Variants in CDK19 observed in about 807,000 individuals in gnomAD.
CDK19 encodes the protein cyclin-dependent kinase 19.
In CDK19, 20 loss-of-function variants were observed where a neutral mutation model predicts 68.3. The observed-to-expected ratio is 0.29, with a 90% CI of 0.21 to 0.43. CDK19 has a LOEUF of 0.43. Among genes scored for constraint, CDK19 ranks in the 20% least tolerant of loss-of-function variants. The probability of loss-of-function intolerance (pLI) is 1.00; values close to 1 mark genes in which losing one functional copy is unlikely to be tolerated. For synonymous variants in CDK19, 221 were observed against 222.8 expected, an observed-to-expected ratio of 0.99 and a Z score of 0.07; for missense variants, 339 against 623.5, an observed-to-expected ratio of 0.54 and a Z score of 4.86.
At chr6:110,658,703 T>C (rs1781444568) in intron 4 of CDK19, among the ~76,000 whole-genome samples, 1 of 152,216 alleles carries the variant, frequency 6.6e-6, no homozygotes. Flanking sequence ...AAACACAGCC[T>C]ACTTTTTTTG....
intron 4 of CDK19, among the ~76,000 whole-genome samples, chr6:110,653,647 C>T (rs1319002653): frequency 6.6e-6 from 1 of 152,114 alleles, no homozygotes; most frequent in Non-Finnish European, 1.5e-5. Flanking sequence ...ATAGATAAAC[C>T]AATGCCCAGG....
At chr6:110,764,802 T>C (rs1302896904) in intron 1 of CDK19, among the ~76,000 whole-genome samples, 2 of 151,720 alleles carry the variant, frequency 1.3e-5, no homozygotes, top group Admixed American at 6.6e-5. Context: ...AATACAAAAA[T>C]TTGCTGGGCG....
intron 6 of CDK19, among the ~76,000 whole-genome samples, chr6:110,628,046 T>C (rs201591541): frequency 6.6e-6 from 1 of 151,790 alleles, no homozygotes; most frequent in Non-Finnish European, 1.5e-5. Flanking sequence ...CCTGTCTCTA[T>C]TAAAAATACA....
In CDK19 at chr6:110,667,463, G is replaced by C; in HGVS notation, c.427C>G (p.His143Asp). 1 of 1,588,576 alleles carries C rather than the reference G, an allele frequency of 6.3e-7. No homozygotes were observed. The highest frequency in any genetic ancestry group is 8.6e-7 in the Non-Finnish European group (1 of 1,166,792). The change falls in exon 4 of 13, where the codon CAT becomes GAT. Residue 143 changes from histidine (H) to aspartate (D), a missense_variant. By Grantham distance (81) the His-to-Asp change is moderately conservative. Coordinates refer to ENST00000368911, the MANE Select transcript of CDK19 (RefSeq NM_015076.5). Reference sequence around the variant, plus strand: ...TCTCTGTGAAGCACCCAATTTGCATGGAGGTAATGGATACCATCAAGAATC... The same window carrying C: ...TCTCTGTGAAGCACCCAATTTGCATCGAGGTAATGGATACCATCAAGAATC... ...YQILDGIHYL[H>D]ANWVLHRDLK...
At chr6:110,657,139 T>A (rs373522360) in intron 4 of CDK19, among the ~76,000 whole-genome samples, 3 of 152,214 alleles carry the variant, frequency 2.0e-5, no homozygotes, top group East Asian at 1.9e-4. Flanking sequence ...GAGAAAGACC[T>A]ACAACTTGAC....
intron 4 of CDK19, among the ~76,000 whole-genome samples, chr6:110,642,272 G>A (rs1439844234): frequency 2.8e-5 from 4 of 140,928 alleles, no homozygotes; most frequent in South Asian, 2.2e-4. Context: ...CTGTGCCACC[G>A]CACTCCAGCC....
rs73528497 is a variant in CDK19, at chr6:110,769,827, C to G, written c.129-23626G>C. 8.9e-3 allele frequency among the ~76,000 whole-genome samples: 1,346 copies of G among 151,996 alleles called. 20 individuals carry two copies. Among genetic ancestry groups the G allele is most frequent in the African/African-American group, 0.031 (1,286 of 41,436 alleles). ...CTCTATTGAGATTCTCAACTGGTAGCAAAATACACCACAGTCAGATTAGCT... is the reference window on the plus strand; with the variant it reads ...CTCTATTGAGATTCTCAACTGGTAGGAAAATACACCACAGTCAGATTAGCT... On this transcript the variant is annotated intron_variant, in intron 1 of 12. Transcript: ENST00000368911.
chr6:110,653,847 C>T (rs1781131658), intron 4 of CDK19, among the ~76,000 whole-genome samples: 1 of 152,044 alleles, frequency 6.6e-6, no homozygotes, highest in African/African-American at 2.4e-5. Flanking sequence ...TCAATTTTTT[C>T]ACAGGGTTAA....
intron 1 of CDK19, among the ~76,000 whole-genome samples, chr6:110,755,470 A>T (rs1391294908): frequency 6.6e-6 from 1 of 152,192 alleles, no homozygotes; most frequent in East Asian, 1.9e-4. Context: ...GAGGGGATAG[A>T]CAGGGACTGC....
chr6:110,798,134 C>G (rs1038992731), intron 1 of CDK19, among the ~76,000 whole-genome samples: 3 of 151,966 alleles, frequency 2.0e-5, no homozygotes, highest in African/African-American at 4.8e-5. Flanking sequence ...AAGAACAGTA[C>G]TCCACAAACA....
At position 110,610,913 on chromosome 6, in the gene CDK19, G is replaced by C. The variant is rs552346196; in HGVS notation, c.*3622C>G. On this transcript the variant is annotated 3_prime_UTR_variant, in exon 13 of 13. Transcript: ENST00000368911. ...ATTTTAGAGGCATAGAGAACAAGTAGCAGTTGCTTCACCAGGAATGAGGCA... is the reference window on the plus strand; with the variant it reads ...ATTTTAGAGGCATAGAGAACAAGTACCAGTTGCTTCACCAGGAATGAGGCA... 1 of 152,248 alleles carries C rather than the reference G, an allele frequency of 6.6e-6. No homozygotes were observed. Among genetic ancestry groups the C allele is most frequent in the East Asian group, 1.9e-4 (1 of 5,186 alleles). The allele number at this position is 152,248 out of a possible 1,614,324, so 9.4% of individuals were successfully genotyped here. A position where few individuals can be genotyped will look rare whatever the true frequency, so the allele number is the denominator to read the frequency against.
intron 2 of CDK19, among the ~76,000 whole-genome samples, chr6:110,709,040 A>G (rs1445301971): frequency 4.6e-5 from 7 of 152,224 alleles, no homozygotes; most frequent in African/African-American, 1.7e-4. Flanking sequence ...CAAATCAATA[A>G]ATGTAATCTA....
chr6:110,814,694 C>T, intron 1 of CDK19: 1 of 565,076 alleles, frequency 1.8e-6, no homozygotes, highest in Non-Finnish European at 3.4e-6. Flanking sequence ...AGACTAGACC[C>T]CACAAACTCC....
chr6:110,699,647 C>G (rs1773822859), intron 2 of CDK19, among the ~76,000 whole-genome samples: 1 of 151,966 alleles, frequency 6.6e-6, no homozygotes, highest in Non-Finnish European at 1.5e-5. Flanking sequence ...ATGAGGTGCA[C>G]TAAAAATCTC....
chr6:110,617,275 C>T (rs1311455424), intron 12 of CDK19, among the ~76,000 whole-genome samples: 1 of 152,192 alleles, frequency 6.6e-6, no homozygotes, highest in Non-Finnish European at 1.5e-5. Context: ...AATGATCTGG[C>T]ATATCCTGTC....
chr6:110,730,983 C>CA (rs2114795044), intron 2 of CDK19, among the ~76,000 whole-genome samples: 1 of 151,736 alleles, frequency 6.6e-6, no homozygotes, highest in South Asian at 2.1e-4. Flanking sequence ...ACCTGGGAGG[C>CA]AGAGGTTGCA....
chr6:110,758,223 A>G (rs1778962407), intron 1 of CDK19, among the ~76,000 whole-genome samples: 1 of 152,164 alleles, frequency 6.6e-6, no homozygotes, highest in African/African-American at 2.4e-5. Context: ...AGTTAAAAAG[A>G]AAAACAATGA....
At chr6:110,634,328 T>C (rs1427711809) in intron 5 of CDK19, among the ~76,000 whole-genome samples, 4 of 152,180 alleles carry the variant, frequency 2.6e-5, no homozygotes, top group African/African-American at 9.6e-5. Context: ...GCGATTCTCC[T>C]GCCTCAGCCT....
intron 1 of CDK19, among the ~76,000 whole-genome samples, chr6:110,808,346 A>G (rs1562304885): frequency 6.6e-6 from 1 of 152,244 alleles, no homozygotes; most frequent in Non-Finnish European, 1.5e-5. Context: ...GCTCTACACC[A>G]GGAGTCAACA....
Sources: gnomAD v4.1 joint callset for allele counts (sites outside exome capture counted in the v4.1 genomes callset) on GRCh38, gnomAD v4.1.1 for gene constraint, MANE v1.5 for transcripts, NCBI Gene and HGNC (gene_info 2026-07-23, HGNC 2026-07-21) for gene names.